The following STX4 variants were observed in gnomAD, a reference collection of about 807,000 sequenced individuals.
STX4 encodes syntaxin 4.
STX4 carries 24 observed loss-of-function variants against 41.8 expected under a neutral mutation model. The observed-to-expected ratio is 0.57, with a 90% confidence interval of 0.42 to 0.81. The LOEUF is 0.81. Among genes scored for constraint, STX4 ranks in the 30% least tolerant of loss-of-function variants. The pLI is 0.00. For missense variants in STX4, 316 were observed against 389.9 expected (o/e 0.81, Z 1.60); for synonymous variants, 158 against 156.4 (o/e 1.01, Z -0.08).
At chr16:31,035,503 G>A (rs2056793003) in intron 5 of STX4, among the ~76,000 whole-genome samples, 1 of 151,996 alleles carries the variant, frequency 6.6e-6, no homozygotes, top group African/African-American at 2.4e-5. Context: ...CTGAATTACA[G>A]GCGTGAGCCA....
Position 31,039,959 on chromosome 16 carries a change from C to T in STX4, c.*63C>T, listed in dbSNP as rs1448179709. 1.2e-6 allele frequency: 1 copy of T among 827,708 alleles called. No homozygotes were observed. Among genetic ancestry groups the T allele is most frequent in the East Asian group, 2.5e-5 (1 of 40,434 alleles). The allele number at this position is 827,708 out of a possible 1,614,324, so 51.3% of individuals were successfully genotyped here. ...AGGGCCTGGCCTTCTCTCCCAGCAGCCTGGGGGGCAGGGCAGAGCCTCCAG... is the reference window on the plus strand; with the variant it reads ...AGGGCCTGGCCTTCTCTCCCAGCAGTCTGGGGGGCAGGGCAGAGCCTCCAG... On this transcript the variant is annotated 3_prime_UTR_variant, in exon 11 of 11. Coordinates refer to ENST00000313843, the MANE Select transcript of STX4 (RefSeq NM_004604.5). This position sits in a 1 kb window ranked among gnomAD's most constrained non-coding sequence, Gnocchi z 4.1.
chr16:31,037,786 C>G (rs2056813249), intron 5 of STX4, 140 bp from the exon 6 acceptor site: 1 of 745,660 alleles, frequency 1.3e-6, no homozygotes. Context: ...GGGAGCCTGT[C>G]AAGGTCATCA....
chr16:31,038,703 C>T, intron 8 of STX4, 56 bp downstream of exon 8: 2 of 1,593,934 alleles, frequency 1.3e-6, no homozygotes, highest in Non-Finnish European at 1.7e-6. Flanking sequence ...AACTGCCAGC[C>T]TCCCGCCACC....
chr16:31,037,213 A>C (rs1334052899), intron 5 of STX4, among the ~76,000 whole-genome samples: 1 of 151,126 alleles, frequency 6.6e-6, no homozygotes, highest in Non-Finnish European at 1.5e-5. Context: ...ACAGGCGCCC[A>C]CCACTGCACC....
rs374716378 is a variant in STX4, at chr16:31,033,969, G to C, written c.31-44G>C. 37 of 1,521,192 alleles carry C rather than the reference G, an allele frequency of 2.4e-5. 1 individual carries two copies. In the South Asian group the frequency reaches 2.5e-4, roughly 10 times the overall value. The allele number at this position is 1,521,192 out of a possible 1,614,324, so 94.2% of individuals were successfully genotyped here. On this transcript the variant is annotated intron_variant, in intron 1 of 10. Transcript: ENST00000313843. This position sits in a 1 kb window ranked among gnomAD's most constrained non-coding sequence, Gnocchi z 5.5. Reference sequence around the variant, plus strand: ...GAAGCCTGTGGGTCCTGCGGGGTAAGAGCCGCAGCGAAACGGTGGTGCCAA... The same window carrying C: ...GAAGCCTGTGGGTCCTGCGGGGTAACAGCCGCAGCGAAACGGTGGTGCCAA...
At chr16:31,038,303 C>G in intron 7 of STX4, 113 bp downstream of exon 7, 1 of 1,434,772 alleles carries the variant, frequency 7.0e-7, no homozygotes, top group South Asian at 1.2e-5. Context: ...TCCCGAGTAG[C>G]TGGGACTATA....
intron 2 of STX4, 25 bp downstream of exon 2, chr16:31,034,139 G>A (rs1280854499): frequency 1.2e-6 from 2 of 1,608,360 alleles, no homozygotes; most frequent in South Asian, 2.2e-5. Context: ...TCTCCGCCTG[G>A]ATTCGCGAGG....
At chr16:31,034,192 T>C (rs1003724936) in intron 2 of STX4, 34 bp from the exon 3 acceptor site, 1 of 1,613,856 alleles carries the variant, frequency 6.2e-7, no homozygotes, top group Non-Finnish European at 8.5e-7. Flanking sequence ...GAGTACCCCA[T>C]ATCTCTTTCA....
chr16:31,037,671 TAATAAATAAATA>T (rs201361011), intron 5 of STX4, among the ~76,000 whole-genome samples: 237 of 143,580 alleles, frequency 1.7e-3, no homozygotes, highest in Non-Finnish European at 1.9e-3. Context: ...AAAAAACAAA[TAATAAATAAATA>T]AATAAATAAA....
intron 7 of STX4, 138 bp from the exon 8 acceptor site, chr16:31,038,372 C>T: frequency 5.9e-6 from 8 of 1,347,998 alleles, no homozygotes; most frequent in Non-Finnish European, 8.3e-6. Flanking sequence ...CACCCTGAGG[C>T]CTCTAAGGGA....
At position 31,033,910 on chromosome 16, in the gene STX4, G is replaced by A; in HGVS notation, c.30+75G>A. 1 of 1,458,312 alleles carries A rather than the reference G, an allele frequency of 6.9e-7. No homozygotes were observed. Among genetic ancestry groups the A allele is most frequent in the Non-Finnish European group, 9.1e-7 (1 of 1,101,538 alleles). 90.3% of individuals were successfully genotyped at this position (1,458,312 alleles called of 1,614,324 possible). A position where few individuals can be genotyped will look rare whatever the true frequency, so the allele number is the denominator to read the frequency against. On this transcript the variant is annotated intron_variant, in intron 1 of 10. Transcript: ENST00000313843. The surrounding 1 kb of genome is among the most constrained non-coding windows in gnomAD (Gnocchi z 5.5). ...CAGGACTTCTGGTCTTCGGGATAGG[G>A]AGGGGTGGCTGATGGCCAGGAAGGA...
At chr16:31,037,858 G>A in intron 5 of STX4, 68 bp from the exon 6 acceptor site, 1 of 1,516,182 alleles carries the variant, frequency 6.6e-7, no homozygotes, top group Non-Finnish European at 9.1e-7. Flanking sequence ...CTGTACTATG[G>A]GGTTGCCGAG....
intron 5 of STX4, chr16:31,035,759 CT>C (rs2056794924): frequency 6.6e-6 from 1 of 151,964 alleles, no homozygotes. Context: ...AGGAACTCCC[CT>C]GGTGTGATAT....
intron 5 of STX4, among the ~76,000 whole-genome samples, chr16:31,036,815 T>G (rs960088124): frequency 6.6e-6 from 1 of 151,938 alleles, no homozygotes; most frequent in Non-Finnish European, 1.5e-5. Flanking sequence ...GAAAAGTGAA[T>G]GCAAAGGCTT....
rs1131554 is a variant in STX4 at position 31,034,240 on chromosome 16, G to T, written c.147G>T (p.Arg49=). 2 of 1,614,196 alleles carry T rather than the reference G, an allele frequency of 1.2e-6. No homozygotes were observed. The highest frequency in any genetic ancestry group is 1.7e-6 in the Non-Finnish European group (2 of 1,180,034). Reference sequence around the variant, plus strand: ...ACCCTCCCCAGGTCCGGACAATTCGGCAGACTATTGTCAAACTGGGGAATA... The same window carrying T: ...ACCCTCCCCAGGTCCGGACAATTCGTCAGACTATTGTCAAACTGGGGAATA... ...EEFFHKVRTI[R]QTIVKLGNKV... The change falls in exon 3 of 11, where the codon CGG becomes CGT. Residue 49 remains arginine, a synonymous_variant. Coordinates refer to ENST00000313843, the MANE Select transcript of STX4 (RefSeq NM_004604.5).
intron 5 of STX4, 72 bp from the exon 6 acceptor site, chr16:31,037,854 T>A: frequency 6.7e-7 from 1 of 1,498,154 alleles, no homozygotes; most frequent in Non-Finnish European, 9.3e-7. Flanking sequence ...CTCACTGTAC[T>A]ATGGGGTTGC....
intron 5 of STX4, among the ~76,000 whole-genome samples, chr16:31,036,094 TAGTA>T (rs1481407941): frequency 6.6e-6 from 1 of 151,958 alleles, no homozygotes; most frequent in Non-Finnish European, 1.5e-5. Flanking sequence ...GGTGATATCT[TAGTA>T]AGGAGATTTG....
Position 31,033,577 on chromosome 16 carries a change from G to C in STX4, c.-229G>C. The C allele has an allele frequency of 2.0e-6, 3 of 1,535,530 alleles. No individual in the cohort carries two copies. In the East Asian group the frequency reaches 7.4e-5, roughly 38 times the overall value. On this transcript the variant is annotated 5_prime_UTR_variant, in exon 1 of 11. Transcript: ENST00000313843. This position sits in a 1 kb window ranked among gnomAD's most constrained non-coding sequence, Gnocchi z 5.5. ...GGCGGGGCTGAGGCTGCGGGAGCTG[G>C]AGCGGGGAAGAAAAGGGAATTCCAA...
chr16:31,037,965 A>G lies in STX4; in HGVS notation c.418A>G (p.Lys140Glu). The change falls in exon 6 of 11, where the codon AAG becomes GAG. Residue 140 changes from lysine (K) to glutamate (E), a missense_variant. Physicochemically the swap from Lys to Glu is moderately conservative, Grantham distance 56. Coordinates refer to ENST00000313843, the MANE Select transcript of STX4 (RefSeq NM_004604.5). Reference protein sequence around the residue: ...LSQQFVELINKCNSMQSEYRE... With the variant: ...LSQQFVELINECNSMQSEYRE... ...CCAGCAATTCGTGGAGCTCATCAAC[A>G]AGTGCAATTCAATGCAGTCCGAATA... 1 of 1,614,152 alleles carries G rather than the reference A, an allele frequency of 6.2e-7. No homozygotes were observed. Among genetic ancestry groups the G allele is most frequent in the Non-Finnish European group, 8.5e-7 (1 of 1,180,018 alleles).
Sources: gnomAD v4.1 joint callset for allele counts (sites outside exome capture counted in the v4.1 genomes callset) on GRCh38, gnomAD v4.1.1 for gene constraint, Gnocchi (gnomAD v3.1) non-coding constraint, MANE v1.5 for transcripts, NCBI Gene and HGNC (gene_info 2026-07-23, HGNC 2026-07-21) for gene names.